DST: variants seen among roughly 807,000 people sequenced by gnomAD.
The protein encoded by DST is dystonin, also known as bullous pemphigoid antigen.
Under a neutral mutation model 875.2 loss-of-function variants are expected in DST, and 253 were observed. The ratio of observed to expected loss-of-function variants is 0.29; its 90% confidence interval spans 0.26 to 0.32. The LOEUF (loss-of-function observed/expected upper bound fraction) is 0.32, where lower values mean the gene tolerates loss of function less well. Ranked by LOEUF, DST falls within the 10% of genes least tolerant of loss-of-function variation. DST has a pLI of 1.00. For missense variants in DST, 8,287 were observed against 9,111.6 expected (o/e 0.91, Z 3.68); for synonymous variants, 3,124 against 3,197.1 (o/e 0.98, Z 0.77).
intron 4 of DST, among the ~76,000 whole-genome samples, chr6:56,812,040 T>C (rs1262058694): frequency 6.7e-6 from 1 of 148,182 alleles, no homozygotes; most frequent in Admixed American, 6.9e-5. Flanking sequence ...AGGTGGAGAT[T>C]GCAGTGAACT....
intron 3 of DST, among the ~76,000 whole-genome samples, chr6:56,865,045 C>T (rs1020116616): frequency 2.0e-5 from 3 of 152,038 alleles, no homozygotes; most frequent in South Asian, 2.1e-4. Context: ...TTTGATAAAA[C>T]GAAAAGGGAA....
In DST at chr6:56,814,266, TTTG is replaced by T. The variant is rs143454372; in HGVS notation, c.625+37128_625+37130del. ...GAGCAAAGAAAACAAACTATTTCAC[TTTG>T]TTAAGTTTTACTTTTACCATTACAC... On this transcript the variant is annotated intron_variant, in intron 4 of 103. Transcript: ENST00000680361. 7.8e-3 allele frequency among the ~76,000 whole-genome samples: 1,189 copies of T among 152,344 alleles called. 14 individuals are homozygous for T. Among genetic ancestry groups the T allele is most frequent in the African/African-American group, 0.027 (1,127 of 41,582 alleles).
chr6:56,897,476 G>A (rs1047144686), intron 3 of DST, among the ~76,000 whole-genome samples: 4 of 152,020 alleles, frequency 2.6e-5, no homozygotes, highest in South Asian at 2.1e-4. Context: ...GATTACAGGC[G>A]TGTGCCACCA....
chr6:56,627,165 T>A (rs1010907130), intron 34 of DST, 39 bp downstream of exon 34: 13 of 1,431,982 alleles, frequency 9.1e-6, no homozygotes, highest in Non-Finnish European at 1.3e-5. Context: ...ATCACAAACC[T>A]GAATATTAAA....
chr6:56,563,581 A>T (rs1370815563), intron 55 of DST, among the ~76,000 whole-genome samples: 1 of 152,072 alleles, frequency 6.6e-6, no homozygotes, highest in Non-Finnish European at 1.5e-5. Flanking sequence ...GAAGCTCTTT[A>T]ATTAGATCCC....
intron 95 of DST, 101 bp downstream of exon 95, chr6:56,471,005 A>G: frequency 7.9e-7 from 1 of 1,271,418 alleles, no homozygotes; most frequent in Non-Finnish European, 1.1e-6. Context: ...CTTATAAGAC[A>G]ATGCTTTATT....
chr6:56,887,246 T>C (rs962750431), intron 3 of DST, among the ~76,000 whole-genome samples: 13 of 152,204 alleles, frequency 8.5e-5, no homozygotes, highest in African/African-American at 3.1e-4. Context: ...TAACATTCTT[T>C]GATTCACAAA....
rs568986737 is a variant in DST, at chr6:56,824,158, G to A, written c.625+27239C>T. Among the ~76,000 whole-genome samples the A allele has an allele frequency of 1.8e-3, 278 of 152,262 alleles. 11 individuals are homozygous for A. In the South Asian group the frequency reaches 0.041, roughly 22 times the overall value. On this transcript the variant is annotated intron_variant, in intron 4 of 103. Transcript: ENST00000680361. ...CGAGTGCCTGCGATTGCAGGCGCGC[G>A]CCGCCACGCCTGACTGGTTTTCGTA...
intron 2 of DST, among the ~76,000 whole-genome samples, chr6:56,952,080 C>T (rs951432127): frequency 6.6e-6 from 1 of 152,088 alleles, no homozygotes; most frequent in African/African-American, 2.4e-5. Flanking sequence ...TATGGTCCTG[C>T]CCTCAAGGAG....
chr6:56,498,706 A>G (rs1197365339), intron 80 of DST, among the ~76,000 whole-genome samples: 2 of 152,210 alleles, frequency 1.3e-5, no homozygotes, highest in Non-Finnish European at 2.9e-5. Context: ...ACCATATTTT[A>G]CAATCAGCAT....
chr6:56,799,813 G>C (rs1302273799), intron 4 of DST, among the ~76,000 whole-genome samples: 1 of 151,832 alleles, frequency 6.6e-6, no homozygotes, highest in Non-Finnish European at 1.5e-5. Context: ...TAGTAGAGAT[G>C]GGGTTTCACC....
At chr6:56,460,645 G>C (rs2094281711) in intron 102 of DST, 1 of 154,824 alleles carries the variant, frequency 6.5e-6, no homozygotes, top group Non-Finnish European at 1.4e-5. Context: ...CATAGAGGGG[G>C]CATGGAGCAG....
intron 82 of DST, among the ~76,000 whole-genome samples, chr6:56,494,886 A>G (rs1743921535): frequency 6.6e-6 from 1 of 152,014 alleles, no homozygotes; most frequent in African/African-American, 2.4e-5. Context: ...TATTTATTCA[A>G]CTATAATGTG....
At chr6:56,838,019 A>G (rs80148092) in intron 4 of DST, among the ~76,000 whole-genome samples, 3,552 of 152,124 alleles carry the variant, frequency 0.023, 124 homozygotes, top group African/African-American at 0.077. Flanking sequence ...CCTTGGACAT[A>G]GGTAGAATGT....
At chr6:56,738,051 A>T (rs765772001) in intron 4 of DST, among the ~76,000 whole-genome samples, 1 of 152,194 alleles carries the variant, frequency 6.6e-6, no homozygotes, top group Non-Finnish European at 1.5e-5. Flanking sequence ...GCCAATAAGA[A>T]TGGGGGGGAG....
In DST at chr6:56,515,630, G is replaced by A; in HGVS notation, c.18396C>T (p.Ile6132=). The A allele has an allele frequency of 6.2e-7, 1 of 1,612,682 alleles. No individual in the cohort carries two copies. Among genetic ancestry groups the A allele is most frequent in the Non-Finnish European group, 8.5e-7 (1 of 1,179,208 alleles). ...LDKVLKNYDT[I]CQINSERYLQ... The stretch of plus-strand genomic sequence containing the variant: ...GATACCTTTCTGAATTAATCTGGCA[G>A]ATGGTATCATAGTTCTTCAGTACCT... The change falls in exon 72 of 104, where the codon ATC becomes ATT. Residue 6132 remains isoleucine (I), a synonymous_variant. Coordinates refer to ENST00000680361, the MANE Select transcript of DST (RefSeq NM_001374736.1).
chr6:56,629,496 A>C lies in DST; in HGVS notation c.4282-53T>G, dbSNP rs2098759730. The C allele has an allele frequency of 3.0e-6, 4 of 1,325,018 alleles. No individual in the cohort carries two copies. In the Admixed American group the frequency reaches 5.3e-5, roughly 17 times the overall value. 82.1% of individuals were successfully genotyped at this position (1,325,018 alleles called of 1,614,324 possible). A position where few individuals can be genotyped will look rare whatever the true frequency, so the allele number is the denominator to read the frequency against. ...TAAAAATGTTAACCACTCACTGGGT[A>C]AATATATTATTTACCTAATTTTACA... On this transcript the variant is annotated intron_variant, in intron 31 of 103. Transcript: ENST00000680361.
intron 72 of DST, among the ~76,000 whole-genome samples, chr6:56,512,850 G>T (rs1450103002): frequency 6.6e-6 from 1 of 152,198 alleles, no homozygotes; most frequent in East Asian, 1.9e-4. Context: ...AAAGAAGGAA[G>T]AGTCTAATAT....
At chr6:56,526,315 A>T in intron 69 of DST, 46 bp downstream of exon 69, 2 of 1,587,390 alleles carry the variant, frequency 1.3e-6, no homozygotes, top group Non-Finnish European at 1.7e-6. Flanking sequence ...CTCCAAGAAC[A>T]GCTGGAGAAA....
Sources: gnomAD v4.1 joint callset for allele counts (sites outside exome capture counted in the v4.1 genomes callset) on GRCh38, gnomAD v4.1.1 for gene constraint, MANE v1.5 for transcripts, NCBI Gene and HGNC (gene_info 2026-07-23, HGNC 2026-07-21) for gene names.